The following MTG1 variants were observed in gnomAD, a reference collection of about 807,000 sequenced individuals.
MTG1 encodes mitochondrial ribosome associated GTPase 1, also known as mitochondrial ribosome-associated GTPase 1.
MTG1 carries 30 observed loss-of-function variants against 39.5 expected under a neutral mutation model. The ratio of observed to expected loss-of-function variants is 0.76; its 90% CI spans 0.57 to 1.03. The LOEUF (loss-of-function observed/expected upper bound fraction) is 1.03. Ranked by LOEUF, MTG1 falls within the 50% of genes least tolerant of loss-of-function variation. The probability of loss-of-function intolerance (pLI) is 0.00; values close to 1 mark genes in which losing one functional copy is unlikely to be tolerated. For synonymous variants in MTG1, 217 were observed against 179.0 expected (o/e 1.21, Z -1.69); for missense variants, 513 against 447.4 (o/e 1.15, Z -1.32).
At chr10:133,400,832 G>A (rs1425170269) in intron 6 of MTG1, among the ~76,000 whole-genome samples, 1 of 152,170 alleles carries the variant, frequency 6.6e-6, no homozygotes, top group Non-Finnish European at 1.5e-5. Context: ...CCTCCAAGTG[G>A]ACTCACAGTA....
chr10:133,395,680 GC>G (rs34231587), intron 1 of MTG1, 32 bp from the exon 2 acceptor site: 1 of 1,610,348 alleles, frequency 6.2e-7, no homozygotes, highest in Non-Finnish European at 8.5e-7. Context: ...AAGGTTGTGA[GC>G]CCCTTCGCTG....
intron 9 of MTG1, among the ~76,000 whole-genome samples, chr10:133,415,230 G>A (rs1411976449): frequency 1.3e-5 from 2 of 152,262 alleles, no homozygotes; most frequent in Non-Finnish European, 1.5e-5. Context: ...GGGAGCGGGC[G>A]CCCCTGTTTT....
In MTG1 at chr10:133,402,544, C is replaced by T. The variant is rs979655762; in HGVS notation, c.671-148C>T. Reference sequence around the variant, plus strand: ...GGGGGCCGGGACCACAGCCGAGTGCCGTCCTCTTGGTTAGTGTCTTTGTCA... The same window carrying T: ...GGGGGCCGGGACCACAGCCGAGTGCTGTCCTCTTGGTTAGTGTCTTTGTCA... On this transcript the variant is annotated intron_variant, in intron 8 of 10. Transcript: ENST00000317502. The surrounding 1 kb of genome is among the most constrained non-coding windows in gnomAD (Gnocchi z 4.7). 1.7e-5 allele frequency: 13 copies of T among 774,210 alleles called. No individual in the cohort carries two copies. The highest frequency in any genetic ancestry group is 1.2e-4 in the African/African-American group (7 of 57,360). The allele number at this position is 774,210 out of a possible 1,614,324, so 48.0% of individuals were successfully genotyped here.
At chr10:133,416,156 C>CTGTAT (rs1216046416) in intron 9 of MTG1, among the ~76,000 whole-genome samples, 1 of 152,044 alleles carries the variant, frequency 6.6e-6, no homozygotes, top group African/African-American at 2.4e-5. Context: ...TTTTCTTCTG[C>CTGTAT]AATGTATAAT....
chr10:133,402,827 TAA>T lies in MTG1; in HGVS notation c.752+65_752+66del, dbSNP rs34193468. ...GGCCCCTCCTCCTAGTCACCTCATT[TAA>T]AAAAAAAAAACAAACAAAAAAACCC... On this transcript the variant is annotated intron_variant, in intron 9 of 10. Transcript: ENST00000317502. The surrounding 1 kb of genome is among the most constrained non-coding windows in gnomAD (Gnocchi z 4.7). 353 of 1,028,166 alleles carry T rather than the reference TAA, an allele frequency of 3.4e-4. No homozygotes were observed. Among genetic ancestry groups the T allele is most frequent in the South Asian group, 8.5e-4 (50 of 58,604 alleles). 63.7% of individuals were successfully genotyped at this position (1,028,166 alleles called of 1,614,324 possible).
At position 133,401,528 on chromosome 10, in the gene MTG1, G is replaced by C. The variant is rs144134583; in HGVS notation, c.512-1G>C. The C allele has an allele frequency of 3.8e-6, 6 of 1,568,732 alleles. No homozygotes were observed. The highest frequency in any genetic ancestry group is 5.2e-6 in the Non-Finnish European group (6 of 1,157,406). ...AGCCTCCTTTTCTCCTTTTCCTACA[G>C]GGAAAGCCACCAGGGTGGGTGGCGA... is the stretch of plus-strand genomic sequence containing the variant. On this transcript the variant is annotated splice_acceptor_variant, in intron 6 of 10. Transcript: ENST00000317502. LOFTEE classifies it high-confidence loss of function.
At chr10:133,412,196 G>GTTTGGT (rs1850057352) in intron 9 of MTG1, among the ~76,000 whole-genome samples, 1 of 152,092 alleles carries the variant, frequency 6.6e-6, no homozygotes, top group African/African-American at 2.4e-5. Context: ...GGCACTGGAT[G>GTTTGGT]TTTGGTTTTG....
intron 1 of MTG1, chr10:133,394,747 C>G (rs1849755556): frequency 1.0e-6 from 1 of 1,004,996 alleles, no homozygotes; most frequent in Non-Finnish European, 1.2e-6. Context: ...GGCACCTGTT[C>G]AGTTTTAACT....
intron 9 of MTG1, among the ~76,000 whole-genome samples, chr10:133,411,593 T>TGA (rs1371341942): frequency 1.3e-5 from 2 of 152,226 alleles, no homozygotes; most frequent in African/African-American, 4.8e-5. Flanking sequence ...TTTGCTCCTC[T>TGA]GAGGCAGTTT....
At chr10:133,411,461 C>A (rs1219004103) in intron 9 of MTG1, among the ~76,000 whole-genome samples, 1 of 152,102 alleles carries the variant, frequency 6.6e-6, no homozygotes, top group East Asian at 1.9e-4. Context: ...CTCTGACCTC[C>A]CTGTACCTGG....
At chr10:133,411,212 A>G (rs540171761) in intron 9 of MTG1, among the ~76,000 whole-genome samples, 52 of 150,954 alleles carry the variant, frequency 3.4e-4, no homozygotes, top group Non-Finnish European at 6.9e-4. Flanking sequence ...TGACAGTTGC[A>G]TTTTTTTTTC....
Position 133,415,219 on chromosome 10 carries a change from C to T in MTG1, c.753-4261C>T, listed in dbSNP as rs1038706349. 2.6e-5 allele frequency among the ~76,000 whole-genome samples: 4 copies of T among 151,464 alleles called. No individual in the cohort carries two copies. The South Asian group carries it at 6.2e-4, about 24-fold the overall frequency. On this transcript the variant is annotated intron_variant, in intron 9 of 10. Transcript: ENST00000317502. ...AGCGGAGCGGGAGCGGGAGAGGGAG[C>T]GGGAGCGGGCGCCCCTGTTTTTTCA...
chr10:133,403,947 C>G (rs1005654562), intron 9 of MTG1, among the ~76,000 whole-genome samples: 2 of 152,072 alleles, frequency 1.3e-5, no homozygotes, highest in Admixed American at 1.3e-4. Context: ...TTTGGCCTGT[C>G]TGATGGGCGG....
At chr10:133,416,337 T>G (rs928946749) in intron 9 of MTG1, among the ~76,000 whole-genome samples, 2 of 151,538 alleles carry the variant, frequency 1.3e-5, no homozygotes, top group Non-Finnish European at 2.9e-5. Context: ...AGGGGGTCTG[T>G]TTTTTTGCTT....
intron 9 of MTG1, among the ~76,000 whole-genome samples, chr10:133,410,558 TTA>T (rs1307415183): frequency 6.6e-6 from 1 of 152,236 alleles, no homozygotes; most frequent in Admixed American, 6.5e-5. Flanking sequence ...AGTCTATGTA[TTA>T]TATGTAGTGT....
intron 9 of MTG1, among the ~76,000 whole-genome samples, chr10:133,406,449 G>T (rs1484293937): frequency 6.6e-6 from 1 of 151,044 alleles, no homozygotes; most frequent in Non-Finnish European, 1.5e-5. Flanking sequence ...GTACCACCAT[G>T]CCTGGCTTGC....
intron 9 of MTG1, among the ~76,000 whole-genome samples, chr10:133,408,388 C>T (rs560406176): frequency 2.0e-5 from 3 of 152,222 alleles, no homozygotes; most frequent in Admixed American, 2.0e-4. Context: ...ACCATCCTTG[C>T]AACCTTGAGA....
In MTG1 at chr10:133,395,726, G is replaced by A. The variant is rs781531980; in HGVS notation, c.126G>A (p.Met42Ile). 13 of 1,614,078 alleles carry A rather than the reference G, an allele frequency of 8.1e-6. No individual in the cohort carries two copies. Among genetic ancestry groups the A allele is most frequent in the South Asian group, 1.1e-5 (1 of 91,028 alleles). Reference sequence around the variant, plus strand: ...TCTGTTTTCCAGGGCTGAAGAAGATGCAGAGCAGCCTGAAGCTGGTGGACT... The same window carrying A: ...TCTGTTTTCCAGGGCTGAAGAAGATACAGAGCAGCCTGAAGCTGGTGGACT... ...PGHMAKGLKK[M>I]QSSLKLVDCI... The change falls in exon 2 of 11, where the codon ATG becomes ATA. Residue 42 changes from methionine (M) to isoleucine (I), a missense_variant. Coordinates refer to ENST00000317502, the MANE Select transcript of MTG1 (RefSeq NM_138384.4).
chr10:133,395,854 A>G (rs187378289), intron 2 of MTG1, 77 bp downstream of exon 2: 6 of 1,461,332 alleles, frequency 4.1e-6, no homozygotes, highest in Non-Finnish European at 3.8e-6. Context: ...GGAGGCTTTT[A>G]AAAATATGAA....
Sources: allele counts gnomAD v4.1 joint callset (sites outside exome capture counted in the v4.1 genomes callset), GRCh38; gene constraint gnomAD v4.1.1; non-coding constraint Gnocchi (gnomAD v3.1); transcripts MANE v1.5; gene names NCBI Gene and HGNC (gene_info 2026-07-23, HGNC 2026-07-21).